Variants in SLC14A2 observed in about 807,000 individuals in gnomAD.
The protein encoded by SLC14A2 is urea transporter 2.
In SLC14A2, 91 loss-of-function variants were observed where a neutral mutation model predicts 104.6. The ratio of observed to expected loss-of-function variants is 0.87; its 90% CI spans 0.73 to 1.04. The LOEUF (loss-of-function observed/expected upper bound fraction) is 1.04, where lower values mean the gene tolerates loss of function less well. Among genes scored for constraint, SLC14A2 ranks in the 50% least tolerant of loss-of-function variants. The probability of loss-of-function intolerance (pLI) is 0.00; values close to 1 mark genes in which losing one functional copy is unlikely to be tolerated. For synonymous variants in SLC14A2, 476 were observed against 466.4 expected (o/e 1.02, Z -0.27); for missense variants, 1,189 against 1,156.0 (o/e 1.03, Z -0.41).
chr18:45,313,875 C>A (rs981148017), intron 1 of SLC14A2, among the ~76,000 whole-genome samples: 1 of 152,200 alleles, frequency 6.6e-6, no homozygotes. Flanking sequence ...TGTTCCCTTA[C>A]CTTCACTATG....
At chr18:45,542,413 G>A (rs1431512042) in intron 2 of SLC14A2, 4 of 152,054 alleles carry the variant, frequency 2.6e-5, no homozygotes, top group Non-Finnish European at 5.9e-5. Context: ...CAAAAAAATG[G>A]AGAAATGAAG....
intron 1 of SLC14A2, among the ~76,000 whole-genome samples, chr18:45,334,855 C>T (rs140791514): frequency 1.1e-4 from 17 of 152,258 alleles, no homozygotes; most frequent in East Asian, 7.7e-4. Flanking sequence ...TGCCCCCCAA[C>T]GCCTGCTGGC....
chr18:45,263,046 G>T (rs2084555646), intron 1 of SLC14A2, among the ~76,000 whole-genome samples: 1 of 152,138 alleles, frequency 6.6e-6, no homozygotes, highest in Non-Finnish European at 1.5e-5. Flanking sequence ...GATTTTATTT[G>T]AATTTCATCA....
At chr18:45,233,695 G>A (rs904248706) in intron 1 of SLC14A2, among the ~76,000 whole-genome samples, 4 of 151,884 alleles carry the variant, frequency 2.6e-5, no homozygotes, top group African/African-American at 9.7e-5. Context: ...ATTGCCTCCC[G>A]AGGTGGTCTC....
chr18:45,387,955 G>C (rs187834218), intron 1 of SLC14A2, among the ~76,000 whole-genome samples: 1 of 151,518 alleles, frequency 6.6e-6, no homozygotes, highest in East Asian at 1.9e-4. Flanking sequence ...GGTCATTTTT[G>C]AGGTCAGGTT....
intron 2 of SLC14A2, among the ~76,000 whole-genome samples, chr18:45,561,212 C>T (rs1162901141): frequency 1.3e-5 from 2 of 152,064 alleles, no homozygotes; most frequent in African/African-American, 2.4e-5. Context: ...GTAGGGAGGA[C>T]ATTCTGGGTA....
At chr18:45,599,366 CA>C (rs1236716331) in intron 2 of SLC14A2, among the ~76,000 whole-genome samples, 1 of 152,234 alleles carries the variant, frequency 6.6e-6, no homozygotes, top group African/African-American at 2.4e-5. Flanking sequence ...GGCCATATGA[CA>C]ATCCCCCTTG....
chr18:45,397,397 C>T (rs955089773), intron 1 of SLC14A2, among the ~76,000 whole-genome samples: 4 of 152,138 alleles, frequency 2.6e-5, no homozygotes, highest in South Asian at 2.1e-4. Context: ...TTTTGACTTG[C>T]ATTTGTCTAA....
chr18:45,580,412 G>C (rs1277114469), intron 2 of SLC14A2, among the ~76,000 whole-genome samples: 1 of 152,230 alleles, frequency 6.6e-6, no homozygotes, highest in African/African-American at 2.4e-5. Flanking sequence ...GTTAGGAAAG[G>C]ACAGTCCTGA....
chr18:45,230,189 C>T (rs574783321), intron 1 of SLC14A2, among the ~76,000 whole-genome samples: 8 of 152,270 alleles, frequency 5.3e-5, no homozygotes, highest in Non-Finnish European at 8.8e-5. Context: ...TTTGTTACTT[C>T]GTGAGGTCTG....
rs144536866 is a variant in SLC14A2 at position 45,252,289 on chromosome 18, G to A, written c.-125+39098G>A. Among the ~76,000 whole-genome samples the A allele has an allele frequency of 5.4e-3, 815 of 152,258 alleles. 7 individuals carry two copies. The highest frequency in any genetic ancestry group is 0.027 in the Middle Eastern group (8 of 294). ...TGAGATTGAGAAAGTAGAAAGATGA[G>A]GATGAGATGCTAGAATTTTGAAAGC... On this transcript the variant is annotated intron_variant, in intron 1 of 20. Transcript: ENST00000586448.
chr18:45,399,926 A>G (rs900348528), intron 1 of SLC14A2, among the ~76,000 whole-genome samples: 5 of 152,104 alleles, frequency 3.3e-5, no homozygotes, highest in Non-Finnish European at 5.9e-5. Flanking sequence ...TGTGGCCCCA[A>G]AGGTCCTTCA....
chr18:45,538,504 C>T (rs1408669360), intron 2 of SLC14A2, among the ~76,000 whole-genome samples: 1 of 152,192 alleles, frequency 6.6e-6, no homozygotes, highest in Non-Finnish European at 1.5e-5. Flanking sequence ...TGGCAGGCCT[C>T]AGTTCCTGAC....
At chr18:45,626,219 C>T (rs940763562) in intron 3 of SLC14A2, among the ~76,000 whole-genome samples, 5 of 152,206 alleles carry the variant, frequency 3.3e-5, no homozygotes, top group African/African-American at 9.7e-5. Flanking sequence ...TTCCTTCACT[C>T]GATTCACTTG....
chr18:45,454,004 C>T (rs1214455744), intron 1 of SLC14A2, among the ~76,000 whole-genome samples: 4 of 151,864 alleles, frequency 2.6e-5, no homozygotes, highest in Non-Finnish European at 5.9e-5. Context: ...GGATTACAGG[C>T]GCATGCCACC....
intron 1 of SLC14A2, among the ~76,000 whole-genome samples, chr18:45,624,252 C>A (rs539768305): frequency 6.6e-6 from 1 of 152,278 alleles, no homozygotes; most frequent in African/African-American, 2.4e-5. Flanking sequence ...CACCTCCAAT[C>A]AGTACTGGAT....
intron 1 of SLC14A2, among the ~76,000 whole-genome samples, chr18:45,286,294 G>A (rs2084813973): frequency 6.6e-6 from 1 of 152,140 alleles, no homozygotes; most frequent in Non-Finnish European, 1.5e-5. Flanking sequence ...TCAATCCTCA[G>A]AGATGCTTGG....
chr18:45,681,393 A>G (rs1230149202), intron 19 of SLC14A2, among the ~76,000 whole-genome samples: 5 of 152,178 alleles, frequency 3.3e-5, no homozygotes, highest in Admixed American at 1.3e-4. Flanking sequence ...TAATAAGATG[A>G]TGTTTTGGCA....
At chr18:45,366,981 C>T (rs751539394) in intron 1 of SLC14A2, among the ~76,000 whole-genome samples, 10 of 152,196 alleles carry the variant, frequency 6.6e-5, no homozygotes, top group Non-Finnish European at 1.5e-4. Flanking sequence ...AGAGGCCTTA[C>T]ACACAGAGAC....
Sources: allele counts gnomAD v4.1 joint callset (sites outside exome capture counted in the v4.1 genomes callset), GRCh38; gene constraint gnomAD v4.1.1; transcripts MANE v1.5; gene names NCBI Gene and HGNC (gene_info 2026-07-23, HGNC 2026-07-21).